FBXO15: variants seen among roughly 807,000 people sequenced by gnomAD.
The protein encoded by FBXO15 is F-box only protein 15.
In FBXO15, 30 loss-of-function variants were observed where a neutral mutation model predicts 49.5. That is an observed-to-expected ratio of 0.61 (90% CI 0.45 to 0.82). The LOEUF (loss-of-function observed/expected upper bound fraction) is 0.82, where lower values mean the gene tolerates loss of function less well. Ranked by LOEUF, FBXO15 falls within the 40% of genes least tolerant of loss-of-function variation. The pLI is 0.00. For synonymous variants in FBXO15, 250 were observed against 232.7 expected (o/e 1.07, Z -0.68); for missense variants, 591 against 631.5 (o/e 0.94, Z 0.69).
chr18:74,130,735 G>T, intron 3 of FBXO15, 77 bp from the exon 4 acceptor site: 1 of 1,431,856 alleles, frequency 7.0e-7, no homozygotes, highest in Non-Finnish European at 9.4e-7. Flanking sequence ...AATTAGAGAT[G>T]CATATTTTCA....
chr18:74,094,820 C>T (rs1194349842), intron 8 of FBXO15, among the ~76,000 whole-genome samples: 4 of 152,368 alleles, frequency 2.6e-5, no homozygotes, highest in African/African-American at 7.2e-5. Context: ...CTTCTCTTCT[C>T]TAGCTATGAA....
intron 8 of FBXO15, among the ~76,000 whole-genome samples, chr18:74,094,366 C>G (rs1205123887): frequency 1.3e-5 from 2 of 152,122 alleles, no homozygotes; most frequent in East Asian, 3.8e-4. Flanking sequence ...TCTCTTGCTC[C>G]AGCTTTTGCC....
At chr18:74,127,266 AT>A (rs1174812468) in intron 5 of FBXO15, among the ~76,000 whole-genome samples, 1 of 152,232 alleles carries the variant, frequency 6.6e-6, no homozygotes, top group Admixed American at 6.5e-5. Context: ...AGAGGTACTT[AT>A]TAAATAGACT....
intron 9 of FBXO15, among the ~76,000 whole-genome samples, chr18:74,081,337 C>A (rs1912486779): frequency 6.6e-6 from 1 of 152,162 alleles, no homozygotes; most frequent in Non-Finnish European, 1.5e-5. Flanking sequence ...TGACAAGAAC[C>A]AGGAGCAGCC....
chr18:74,092,136 A>T (rs1445281194), intron 8 of FBXO15, among the ~76,000 whole-genome samples: 2 of 152,140 alleles, frequency 1.3e-5, no homozygotes, highest in African/African-American at 4.8e-5. Flanking sequence ...CTTTAAGCTC[A>T]GATTCTTTCC....
chr18:74,135,715 C>T, intron 3 of FBXO15, 47 bp downstream of exon 3: 1 of 1,445,446 alleles, frequency 6.9e-7, no homozygotes, highest in South Asian at 1.3e-5. Context: ...TCCTGACTTC[C>T]ATCAAACTGT....
chr18:74,099,164 A>T (rs1913408906), intron 8 of FBXO15: 2 of 152,174 alleles, frequency 1.3e-5, no homozygotes, highest in Admixed American at 1.3e-4. Flanking sequence ...AAAGAATCTT[A>T]AGAGCTGTGA....
chr18:74,122,087 G>A (rs1018451664), intron 8 of FBXO15, among the ~76,000 whole-genome samples: 1 of 152,080 alleles, frequency 6.6e-6, no homozygotes, highest in African/African-American at 2.4e-5. Flanking sequence ...AGTGACCTAC[G>A]AGGGCATGAA....
At chr18:74,125,839 G>C in intron 6 of FBXO15, 136 bp downstream of exon 6, 1 of 1,226,942 alleles carries the variant, frequency 8.2e-7, no homozygotes, top group Non-Finnish European at 1.1e-6. Context: ...AAAAAATGAA[G>C]TTGGTGAGAT....
intron 9 of FBXO15, among the ~76,000 whole-genome samples, chr18:74,076,929 T>A (rs1406867982): frequency 6.6e-6 from 1 of 152,158 alleles, no homozygotes; most frequent in Non-Finnish European, 1.5e-5. Context: ...CCTCTTCCCA[T>A]CTTCTCTTTG....
intron 8 of FBXO15, among the ~76,000 whole-genome samples, chr18:74,084,432 T>G (rs1302790011): frequency 6.6e-6 from 1 of 152,236 alleles, no homozygotes; most frequent in Non-Finnish European, 1.5e-5. Context: ...GGCAGGGGCC[T>G]GCGCCTCAGG....
intron 9 of FBXO15, among the ~76,000 whole-genome samples, chr18:74,080,288 T>C (rs574695699): frequency 6.6e-6 from 1 of 152,352 alleles, no homozygotes; most frequent in South Asian, 2.1e-4. Context: ...TTGGGAATTC[T>C]GAGGACGGCT....
chr18:74,136,293 CGCCTCA>C (rs1265690086), intron 2 of FBXO15, among the ~76,000 whole-genome samples: 1 of 152,130 alleles, frequency 6.6e-6, no homozygotes, highest in Non-Finnish European at 1.5e-5. Flanking sequence ...GCCATTCTCC[CGCCTCA>C]GCCTCCCCAG....
chr18:74,127,136 C>T (rs1165030008), intron 5 of FBXO15, among the ~76,000 whole-genome samples: 1 of 152,212 alleles, frequency 6.6e-6, no homozygotes, highest in Non-Finnish European at 1.5e-5. Context: ...TGAGTGGGGA[C>T]AAGAGCACAC....
intron 5 of FBXO15, 63 bp from the exon 6 acceptor site, chr18:74,126,164 A>C: frequency 6.3e-7 from 1 of 1,593,660 alleles, no homozygotes; most frequent in Non-Finnish European, 8.6e-7. Flanking sequence ...TAGTGTTGTC[A>C]ATTCTCTTTA....
At chr18:74,103,534 A>G (rs1043423073) in intron 8 of FBXO15, among the ~76,000 whole-genome samples, 1 of 152,106 alleles carries the variant, frequency 6.6e-6, no homozygotes. Flanking sequence ...ACAACACCAA[A>G]CAGATTTGAC....
Position 74,126,072 on chromosome 18 carries a change from T to C in FBXO15, c.815A>G (p.Tyr272Cys). Residue 272 changes from tyrosine to cysteine, a missense_variant, in exon 6 of 10, where the codon TAC becomes TGC. By Grantham distance (194) the Tyr-to-Cys change is radical (BLOSUM62 -2). Transcript: ENST00000419743. ...AGATATGGTCAAATGACTCAGATTG[T>C]ACTTTGCAATTAAAGAATGCCATCG... ...RLRWHSLIAKYNLSHLTISTM... is the reference protein window; with the variant it reads ...RLRWHSLIAKCNLSHLTISTM... The C allele has an allele frequency of 2.5e-6, 4 of 1,614,044 alleles. No individual in the cohort carries two copies. Among genetic ancestry groups the C allele is most frequent in the Non-Finnish European group, 1.7e-6 (2 of 1,179,932 alleles).
At chr18:74,141,855 C>T (rs1305456806) in intron 1 of FBXO15, among the ~76,000 whole-genome samples, 1 of 152,172 alleles carries the variant, frequency 6.6e-6, no homozygotes, top group Non-Finnish European at 1.5e-5. Context: ...ACCTGGCTGC[C>T]CTGCTTCCCA....
chr18:74,121,268 A>G (rs75555070), intron 8 of FBXO15, among the ~76,000 whole-genome samples: 6,710 of 152,312 alleles, frequency 0.044, 202 homozygotes, highest in East Asian at 0.12. Context: ...CCTCCAAAAA[A>G]TCCAAGAGGA....
Sources: allele counts gnomAD v4.1 joint callset (sites outside exome capture counted in the v4.1 genomes callset), GRCh38; gene constraint gnomAD v4.1.1; transcripts MANE v1.5; gene names NCBI Gene and HGNC (gene_info 2026-07-23, HGNC 2026-07-21).